The following USP6NL variants were observed in gnomAD, a reference collection of about 807,000 sequenced individuals.
USP6NL encodes the protein USP6 N-terminal like, also known as USP6 N-terminal-like protein.
Under a neutral mutation model 61.9 loss-of-function variants are expected in USP6NL, and 26 were observed. The ratio of observed to expected loss-of-function variants is 0.42; its 90% CI spans 0.31 to 0.58. The LOEUF (loss-of-function observed/expected upper bound fraction) is 0.58, where lower values mean the gene tolerates loss of function less well. Among genes scored for constraint, USP6NL ranks in the 20% least tolerant of loss-of-function variants. USP6NL has a pLI of 0.16. For synonymous variants in USP6NL, 432 were observed against 390.1 expected, an observed-to-expected ratio of 1.11 and a Z score of -1.27; for missense variants, 1,114 against 1,034.3, an observed-to-expected ratio of 1.08 and a Z score of -1.06.
chr10:11,584,649 T>C (rs1837905054), intron 2 of USP6NL, among the ~76,000 whole-genome samples: 1 of 152,060 alleles, frequency 6.6e-6, no homozygotes, highest in African/African-American at 2.4e-5. Flanking sequence ...AATAAAACTA[T>C]ATGAGGCTGG....
intron 5 of USP6NL, among the ~76,000 whole-genome samples, chr10:11,515,523 G>A (rs1834917583): frequency 6.6e-6 from 1 of 152,192 alleles, no homozygotes; most frequent in Non-Finnish European, 1.5e-5. Flanking sequence ...CTTCTGACGT[G>A]AGAGGCAATC....
chr10:11,490,972 A>G lies in USP6NL; in HGVS notation c.495-92T>C. 1 of 1,117,334 alleles carries G rather than the reference A, an allele frequency of 8.9e-7. No individual in the cohort carries two copies. Among genetic ancestry groups the G allele is most frequent in the Non-Finnish European group, 1.3e-6 (1 of 796,100 alleles). 69.2% of individuals were successfully genotyped at this position (1,117,334 alleles called of 1,614,324 possible). ...AAAAAATAAACCAAAGACTGACTGA[A>G]AACAGATAATCCAGATAAAATTACT... On this transcript the variant is annotated intron_variant, in intron 8 of 14. Transcript: ENST00000609104. This position sits in a 1 kb window ranked among gnomAD's most constrained non-coding sequence, Gnocchi z 4.5.
Position 11,591,264 on chromosome 10 carries a change from T to A in USP6NL, c.4+6367A>T, listed in dbSNP as rs1020024025. 1.3e-5 allele frequency among the ~76,000 whole-genome samples: 2 copies of A among 151,186 alleles called. No individual in the cohort carries two copies. Among genetic ancestry groups the A allele is most frequent in the African/African-American group, 4.8e-5 (2 of 41,386 alleles). On this transcript the variant is annotated intron_variant, in intron 2 of 14. Coordinates refer to ENST00000609104, the MANE Select transcript of USP6NL (RefSeq NM_014688.5). This position sits in a 1 kb window ranked among gnomAD's most constrained non-coding sequence, Gnocchi z 4.7. The stretch of plus-strand genomic sequence containing the variant: ...AGAATGGAGAGTCTCTTGAAACTAT[T>A]ATAAAGAAGTCATTTGGAGCACACT...
chr10:11,504,605 G>T (rs941650303), intron 6 of USP6NL, among the ~76,000 whole-genome samples: 1 of 152,202 alleles, frequency 6.6e-6, no homozygotes, highest in East Asian at 1.9e-4. Context: ...GTGATAGCTG[G>T]TTGTCCTCAA....
chr10:11,573,791 T>A (rs1837444111), intron 2 of USP6NL: 1 of 396,264 alleles, frequency 2.5e-6, no homozygotes, highest in South Asian at 1.4e-4. Context: ...CAGTTCAACT[T>A]CAGAGAAATG....
chr10:11,490,696 A>C lies in USP6NL; in HGVS notation c.543+136T>G. On this transcript the variant is annotated intron_variant, in intron 9 of 14. Transcript: ENST00000609104. The surrounding 1 kb of genome is among the most constrained non-coding windows in gnomAD (Gnocchi z 4.5). The stretch of plus-strand genomic sequence containing the variant: ...AGGGTTATCACAGGGTTTCAGCTTA[A>C]AAAGATCCACAGAGCTAAAGAGACC... The C allele has an allele frequency of 1.1e-6, 1 of 875,384 alleles. No individual in the cohort carries two copies. The allele number at this position is 875,384 out of a possible 1,614,324, so 54.2% of individuals were successfully genotyped here.
chr10:11,489,099 T>C lies in USP6NL; in HGVS notation c.664+3A>G. 3 of 1,613,608 alleles carry C rather than the reference T, an allele frequency of 1.9e-6. No individual in the cohort carries two copies. Among genetic ancestry groups the C allele is most frequent in the African/African-American group, 2.7e-5 (2 of 75,040 alleles). On this transcript the variant is annotated splice_donor_region_variant and intron_variant, in intron 10 of 14. Coordinates refer to ENST00000609104, the MANE Select transcript of USP6NL (RefSeq NM_014688.5). The surrounding 1 kb of genome is among the most constrained non-coding windows in gnomAD (Gnocchi z 5.7). ...GTTTAGATAAAGCACAGGGTTTTCT[T>C]ACCATGCATGGCATGTTTAGGGCCT...
At chr10:11,576,087 A>AG (rs201754124) in intron 2 of USP6NL, among the ~76,000 whole-genome samples, 1 of 151,788 alleles carries the variant, frequency 6.6e-6, no homozygotes, top group African/African-American at 2.4e-5. Context: ...CTAACACTTC[A>AG]GGAAAAAAAA....
intron 2 of USP6NL, among the ~76,000 whole-genome samples, chr10:11,543,593 C>G (rs887779382): frequency 6.6e-6 from 1 of 151,534 alleles, no homozygotes; most frequent in African/African-American, 2.4e-5. Flanking sequence ...TATAATCTAC[C>G]ATATATATAT....
At chr10:11,588,060 GT>G (rs1468205307) in intron 2 of USP6NL, among the ~76,000 whole-genome samples, 1 of 152,200 alleles carries the variant, frequency 6.6e-6, no homozygotes, top group Non-Finnish European at 1.5e-5. Flanking sequence ...AGTCACACCT[GT>G]TAGGTCAGAT....
intron 4 of USP6NL, among the ~76,000 whole-genome samples, chr10:11,522,661 TACCAATCTACTTTATTTTTTA>T: frequency 6.6e-6 from 1 of 152,200 alleles, no homozygotes; most frequent in Non-Finnish European, 1.5e-5. Context: ...TGAGAATGAG[TACCAATCTACTTTATTTTTTA>T]AAAAGCGGTG....
Position 11,490,770 on chromosome 10 carries a change from G to T in USP6NL, c.543+62C>A. 6.7e-7 allele frequency: 1 copy of T among 1,490,418 alleles called. No individual in the cohort carries two copies. 92.3% of individuals were successfully genotyped at this position (1,490,418 alleles called of 1,614,324 possible). A position where few individuals can be genotyped will look rare whatever the true frequency, so the allele number is the denominator to read the frequency against. ...TGCAGAAATGTGCCCACAGGGCCCTGCTAAGTAGGGAGTACCTCAGAATAC... is the reference window on the plus strand; with the variant it reads ...TGCAGAAATGTGCCCACAGGGCCCTTCTAAGTAGGGAGTACCTCAGAATAC... On this transcript the variant is annotated intron_variant, in intron 9 of 14. Coordinates refer to ENST00000609104, the MANE Select transcript of USP6NL (RefSeq NM_014688.5). This position sits in a 1 kb window ranked among gnomAD's most constrained non-coding sequence, Gnocchi z 4.5.
At chr10:11,505,673 T>G (rs1325034578) in intron 6 of USP6NL, among the ~76,000 whole-genome samples, 3 of 152,214 alleles carry the variant, frequency 2.0e-5, no homozygotes, top group African/African-American at 7.2e-5. Flanking sequence ...TAAAAATCTA[T>G]GGACTTAAAA....
chr10:11,609,989 C>G (rs1255064681), intron 1 of USP6NL, among the ~76,000 whole-genome samples: 1 of 152,122 alleles, frequency 6.6e-6, no homozygotes, highest in African/African-American at 2.4e-5. Context: ...AAGTAGGCAC[C>G]AAAACTGAGG....
chr10:11,503,120 CTAGAG>C (rs977657353), intron 6 of USP6NL, among the ~76,000 whole-genome samples: 1 of 152,116 alleles, frequency 6.6e-6, no homozygotes, highest in Admixed American at 6.5e-5. Context: ...TTCTAAATTT[CTAGAG>C]TAAAGATGTC....
chr10:11,546,117 CTT>C (rs1836263702), intron 2 of USP6NL, among the ~76,000 whole-genome samples: 1 of 152,206 alleles, frequency 6.6e-6, no homozygotes, highest in Non-Finnish European at 1.5e-5. Context: ...GTGCAAGGCT[CTT>C]TTTAAGTACT....
chr10:11,558,369 C>G (rs1415135415), intron 2 of USP6NL, among the ~76,000 whole-genome samples: 1 of 152,192 alleles, frequency 6.6e-6, no homozygotes, highest in East Asian at 1.9e-4. Flanking sequence ...AGTTTTTCTC[C>G]TCGTCCTCAA....
At position 11,476,863 on chromosome 10, in the gene USP6NL, G is replaced by C. The variant is rs1242331831; in HGVS notation, c.1078+4907C>G. The stretch of plus-strand genomic sequence containing the variant: ...TATGAAATAAATAAATCAAGCATTT[G>C]ACTTTTTTTATTATTATTATTTTTT... On this transcript the variant is annotated intron_variant, in intron 14 of 14. Transcript: ENST00000609104. The surrounding 1 kb of genome is among the most constrained non-coding windows in gnomAD (Gnocchi z 4.3). Among the ~76,000 whole-genome samples the C allele has an allele frequency of 6.6e-6, 1 of 151,694 alleles. No homozygotes were observed. Among genetic ancestry groups the C allele is most frequent in the Non-Finnish European group, 1.5e-5 (1 of 67,870 alleles).
chr10:11,481,720 C>A lies in USP6NL; in HGVS notation c.1078+50G>T. On this transcript the variant is annotated intron_variant, in intron 14 of 14. Coordinates refer to ENST00000609104, the MANE Select transcript of USP6NL (RefSeq NM_014688.5). The surrounding 1 kb of genome is among the most constrained non-coding windows in gnomAD (Gnocchi z 4.4). ...ACAGCCCATGTTAATTATGCCATGT[C>A]TTCCAATCTTAATTATAACGTAGAT... 3 of 1,537,242 alleles carry A rather than the reference C, an allele frequency of 2.0e-6. No individual in the cohort carries two copies. The highest frequency in any genetic ancestry group is 2.6e-6 in the Non-Finnish European group (3 of 1,144,244).
Sources: gnomAD v4.1 joint callset for allele counts (sites outside exome capture counted in the v4.1 genomes callset) on GRCh38, gnomAD v4.1.1 for gene constraint, Gnocchi (gnomAD v3.1) non-coding constraint, MANE v1.5 for transcripts, NCBI Gene and HGNC (gene_info 2026-07-23, HGNC 2026-07-21) for gene names.